Variants in ADGRV1 observed in about 807,000 individuals in gnomAD.
ADGRV1 encodes the protein G-protein coupled receptor 98.
Under a neutral mutation model 596.2 loss-of-function variants are expected in ADGRV1, and 359 were observed. That is an observed-to-expected ratio of 0.60 (90% CI 0.55 to 0.66). The LOEUF is 0.66. Among genes scored for constraint, ADGRV1 ranks in the 30% least tolerant of loss-of-function variants. ADGRV1 has a pLI of 0.00. For synonymous variants in ADGRV1, 2,681 were observed against 2,679.2 expected (o/e 1.00, Z -0.02); for missense variants, 7,274 against 7,575.6 (o/e 0.96, Z 1.48).
intron 75 of ADGRV1, among the ~76,000 whole-genome samples, chr5:90,816,218 A>G (rs1409219385): frequency 1.3e-5 from 2 of 152,208 alleles, no homozygotes; most frequent in Non-Finnish European, 2.9e-5. Context: ...ATTTTACAAT[A>G]GCAACCATTA....
intron 19 of ADGRV1, 74 bp downstream of exon 19, chr5:90,652,637 A>G (rs2149464290): frequency 3.2e-6 from 3 of 933,680 alleles, no homozygotes; most frequent in Non-Finnish European, 4.7e-6. Flanking sequence ...ATACTTAGAT[A>G]ATTAGAGCCA....
chr5:90,847,142 G>T (rs900630210), intron 78 of ADGRV1, among the ~76,000 whole-genome samples: 1 of 152,070 alleles, frequency 6.6e-6, no homozygotes, highest in Non-Finnish European at 1.5e-5. Flanking sequence ...GTGCCAATTG[G>T]TGCATTCACA....
At chr5:90,706,101 A>C (rs1748555805) in intron 37 of ADGRV1, 130 bp from the exon 38 acceptor site, 1 of 659,362 alleles carries the variant, frequency 1.5e-6, no homozygotes, top group Non-Finnish European at 2.5e-6. Flanking sequence ...GGATATAGGA[A>C]GGGGTGAGGA....
In ADGRV1 at chr5:90,690,891, T is replaced by C; in HGVS notation, c.6801T>C (p.Asn2267=). 3 of 1,613,660 alleles carry C rather than the reference T, an allele frequency of 1.9e-6. No individual in the cohort carries two copies. Among genetic ancestry groups the C allele is most frequent in the Non-Finnish European group, 2.5e-6 (3 of 1,179,726 alleles). ...PIIRNSGTLG[N]VTVQWVATIN... is the part of the protein sequence containing the mutation. ...TTCGAAATTCTGGGACACTCGGCAA[T>C]GTTACTGTTCAGTGGGTTGCCACCA... The change falls in exon 31 of 90, where the codon AAT becomes AAC. Residue 2267 remains asparagine, a synonymous_variant. Transcript: ENST00000405460.
chr5:90,615,064 G>C, intron 2 of ADGRV1, 45 bp downstream of exon 2: 1 of 1,215,554 alleles, frequency 8.2e-7, no homozygotes, highest in Non-Finnish European at 1.1e-6. Context: ...TAGATATGAC[G>C]TTTCTTAGTT....
chr5:91,116,162 C>G (rs565974773), intron 87 of ADGRV1, among the ~76,000 whole-genome samples: 1 of 152,246 alleles, frequency 6.6e-6, no homozygotes, highest in South Asian at 2.1e-4. Flanking sequence ...ATAGATAGGT[C>G]TGGGAAGTTT....
chr5:91,034,827 C>T (rs913931856), intron 85 of ADGRV1, among the ~76,000 whole-genome samples: 7 of 152,150 alleles, frequency 4.6e-5, no homozygotes, highest in Admixed American at 2.6e-4. Flanking sequence ...GTTATGTTGC[C>T]AAGGCTGGAG....
chr5:91,073,093 C>G (rs571767519), intron 86 of ADGRV1, among the ~76,000 whole-genome samples: 1 of 152,156 alleles, frequency 6.6e-6, no homozygotes, highest in Non-Finnish European at 1.5e-5. Flanking sequence ...AGAGTGCAAG[C>G]CTTTCTAGTT....
chr5:90,684,652 G>A (rs893818760), intron 28 of ADGRV1, among the ~76,000 whole-genome samples: 13 of 152,152 alleles, frequency 8.5e-5, no homozygotes, highest in African/African-American at 3.1e-4. Context: ...GTGGAGGGTT[G>A]AGGGGTCTCT....
intron 25 of ADGRV1, 100 bp from the exon 26 acceptor site, chr5:90,679,449 C>T: frequency 2.9e-6 from 2 of 693,504 alleles, no homozygotes; most frequent in Admixed American, 5.0e-5. Context: ...GTGAATATTA[C>T]TGCATTTTCC....
intron 82 of ADGRV1, among the ~76,000 whole-genome samples, chr5:90,857,787 A>G (rs1460745997): frequency 6.6e-6 from 1 of 152,190 alleles, no homozygotes; most frequent in South Asian, 2.1e-4. Context: ...AGAATTTTAT[A>G]TATCTTACAT....
At chr5:90,944,145 A>G (rs1490460030) in intron 83 of ADGRV1, among the ~76,000 whole-genome samples, 1 of 152,200 alleles carries the variant, frequency 6.6e-6, no homozygotes, top group African/African-American at 2.4e-5. Context: ...GATACCTAAA[A>G]GCTAACCAAA....
chr5:91,102,546 A>C (rs142548023), intron 87 of ADGRV1, among the ~76,000 whole-genome samples: 1 of 152,242 alleles, frequency 6.6e-6, no homozygotes, highest in Non-Finnish European at 1.5e-5. Context: ...TCATTATACA[A>C]TTAGGGAAGA....
At chr5:90,994,480 A>C (rs1184546973) in intron 85 of ADGRV1, among the ~76,000 whole-genome samples, 4 of 152,176 alleles carry the variant, frequency 2.6e-5, no homozygotes, top group Non-Finnish European at 5.9e-5. Flanking sequence ...TTATATAGAC[A>C]TAGTTTCTTT....
At chr5:90,910,551 T>TATATATTATCTATC (rs1554153579) in intron 83 of ADGRV1, among the ~76,000 whole-genome samples, 1 of 147,112 alleles carries the variant, frequency 6.8e-6, no homozygotes, top group East Asian at 2.0e-4. Context: ...TATATATATA[T>TATATATTATCTATC]TATCTATCTA....
rs372235442 is a variant in ADGRV1 at position 91,019,786 on chromosome 5, C to A, written c.18152+34264C>A. Among the ~76,000 whole-genome samples, 19 of 152,136 alleles carry A rather than the reference C, an allele frequency of 1.2e-4. 1 individual carries two copies. In the East Asian group the frequency reaches 3.3e-3, roughly 26 times the overall value. On this transcript the variant is annotated intron_variant, in intron 85 of 89. Transcript: ENST00000405460. ...CTTAAAAAATGATTATTTTCTATTT[C>A]TCCACATCGTTAGCTCTTCAGATTC...
chr5:91,125,501 G>A (rs546039723), intron 87 of ADGRV1, among the ~76,000 whole-genome samples: 36 of 152,258 alleles, frequency 2.4e-4, no homozygotes, highest in African/African-American at 7.9e-4. Context: ...GAGAATCCAG[G>A]CGACACTAGT....
chr5:90,821,746 A>G (rs1243542766), intron 75 of ADGRV1, among the ~76,000 whole-genome samples: 4 of 151,906 alleles, frequency 2.6e-5, no homozygotes, highest in African/African-American at 7.3e-5. Flanking sequence ...GGGGTCAGGC[A>G]CCCACTTGAG....
chr5:90,818,004 C>A (rs1338324540), intron 75 of ADGRV1, among the ~76,000 whole-genome samples: 2 of 152,046 alleles, frequency 1.3e-5, no homozygotes, highest in African/African-American at 2.4e-5. Context: ...TTACCTTGGG[C>A]ACTATGGCCA....
Sources: allele counts gnomAD v4.1 joint callset (sites outside exome capture counted in the v4.1 genomes callset), GRCh38; gene constraint gnomAD v4.1.1; transcripts MANE v1.5; gene names NCBI Gene and HGNC (gene_info 2026-07-23, HGNC 2026-07-21).